The following RABGAP1L variants were observed in gnomAD, a reference collection of about 807,000 sequenced individuals.
RABGAP1L encodes RAB GTPase activating protein 1 like, also known as rab GTPase-activating protein 1-like.
In RABGAP1L, 63 loss-of-function variants were observed where a neutral mutation model predicts 137.7. That is an observed-to-expected ratio of 0.46 (90% CI 0.37 to 0.56). The LOEUF is 0.56. Among genes scored for constraint, RABGAP1L ranks in the 20% least tolerant of loss-of-function variants. The pLI, the probability that RABGAP1L is intolerant of heterozygous loss-of-function variation, is 0.00. For synonymous variants in RABGAP1L, 431 were observed against 433.7 expected (o/e 0.99, Z 0.08); for missense variants, 1,095 against 1,244.0 (o/e 0.88, Z 1.80).
chr1:174,309,109 C>CT (rs1346438353), intron 11 of RABGAP1L, among the ~76,000 whole-genome samples: 2 of 151,890 alleles, frequency 1.3e-5, no homozygotes, highest in Non-Finnish European at 2.9e-5. Context: ...AAATTTATTT[C>CT]TAAGTATTTA....
chr1:174,934,285 A>G (rs1297713702), intron 19 of RABGAP1L, among the ~76,000 whole-genome samples: 3 of 151,968 alleles, frequency 2.0e-5, no homozygotes, highest in Non-Finnish European at 4.4e-5. Flanking sequence ...ACGGGGTTTC[A>G]CCATGTAGGT....
chr1:174,712,777 T>C (rs1443336378), intron 17 of RABGAP1L, among the ~76,000 whole-genome samples: 2 of 152,156 alleles, frequency 1.3e-5, no homozygotes, highest in East Asian at 1.9e-4. Flanking sequence ...ATTTATTGAC[T>C]TACTTACTTA....
At chr1:174,172,105 T>A (rs1489027587) in intron 1 of RABGAP1L, among the ~76,000 whole-genome samples, 1 of 151,742 alleles carries the variant, frequency 6.6e-6, no homozygotes, top group Non-Finnish European at 1.5e-5. Context: ...CATAGTGTCC[T>A]CCAGGTTCAT....
chr1:174,970,224 C>T (rs769687088), intron 21 of RABGAP1L, among the ~76,000 whole-genome samples: 4 of 152,076 alleles, frequency 2.6e-5, no homozygotes, highest in Non-Finnish European at 5.9e-5. Context: ...AGAAGGTAGC[C>T]GGATCTCCAT....
chr1:174,552,329 C>T (rs1363176835), intron 13 of RABGAP1L, among the ~76,000 whole-genome samples: 1 of 152,092 alleles, frequency 6.6e-6, no homozygotes, highest in Non-Finnish European at 1.5e-5. Flanking sequence ...CACCCTCCGC[C>T]TCCACCCTCC....
chr1:174,796,643 T>A (rs1210113613), intron 18 of RABGAP1L, among the ~76,000 whole-genome samples: 1 of 152,184 alleles, frequency 6.6e-6, no homozygotes, highest in Non-Finnish European at 1.5e-5. Flanking sequence ...GACCACTTGT[T>A]GTAGTGCCTT....
intron 11 of RABGAP1L, among the ~76,000 whole-genome samples, chr1:174,370,509 T>A (rs1685029690): frequency 1.0e-5 from 1 of 97,102 alleles, no homozygotes; most frequent in Non-Finnish European, 2.0e-5. Context: ...TTAAGAAACC[T>A]AACTTTTTTT....
At chr1:174,722,176 C>T (rs954819142) in intron 17 of RABGAP1L, among the ~76,000 whole-genome samples, 3 of 152,086 alleles carry the variant, frequency 2.0e-5, no homozygotes, top group African/African-American at 2.4e-5. Context: ...ATGATCCACC[C>T]GCCCCACCCA....
rs539418752 is a variant in RABGAP1L, at chr1:174,834,962, G to A, written c.2340+23002G>A. Among the ~76,000 whole-genome samples, 4 of 152,228 alleles carry A rather than the reference G, an allele frequency of 2.6e-5. No individual in the cohort carries two copies. The South Asian group carries it at 8.3e-4, about 32-fold the overall frequency. On this transcript the variant is annotated intron_variant, in intron 19 of 25. Coordinates refer to ENST00000681986, the MANE Select transcript of RABGAP1L (RefSeq NM_001366446.1). ...ATTGTATCCTGCAAATCTTTTGAAG[G>A]GTTCCTCTCTAAAGATGGAAGGAGA...
intron 13 of RABGAP1L, among the ~76,000 whole-genome samples, chr1:174,637,155 C>G (rs539330622): frequency 6.6e-6 from 1 of 152,162 alleles, no homozygotes; most frequent in Non-Finnish European, 1.5e-5. Flanking sequence ...AACATACATA[C>G]ACACACAAAT....
intron 13 of RABGAP1L, among the ~76,000 whole-genome samples, chr1:174,415,477 A>T (rs1180367248): frequency 6.6e-6 from 1 of 152,068 alleles, no homozygotes; most frequent in African/African-American, 2.4e-5. Flanking sequence ...AAGTCAGGAA[A>T]ATTCAGTCAC....
At chr1:174,250,997 C>T (rs1461636429) in intron 6 of RABGAP1L, among the ~76,000 whole-genome samples, 2 of 152,208 alleles carry the variant, frequency 1.3e-5, no homozygotes, top group African/African-American at 4.8e-5. Flanking sequence ...GACGGGGTTT[C>T]ACCCCGTTGG....
chr1:174,850,314 C>A (rs954222528), intron 19 of RABGAP1L: 2 of 224,956 alleles, frequency 8.9e-6, no homozygotes, highest in Admixed American at 5.2e-5. Flanking sequence ...AGGAATAAAT[C>A]AACTCAGTCT....
chr1:174,305,402 C>T (rs1678113327), intron 11 of RABGAP1L, among the ~76,000 whole-genome samples: 1 of 151,880 alleles, frequency 6.6e-6, no homozygotes, highest in Non-Finnish European at 1.5e-5. Context: ...TTTTTATTTT[C>T]TTGAGATAGA....
intron 13 of RABGAP1L, chr1:174,545,477 T>A (rs1230943688): frequency 6.6e-6 from 1 of 152,178 alleles, no homozygotes; most frequent in Non-Finnish European, 1.5e-5. Context: ...GGTGGGAGGG[T>A]CCCGATTTTC....
At chr1:174,779,370 G>A (rs1015468565) in intron 18 of RABGAP1L, among the ~76,000 whole-genome samples, 3 of 152,106 alleles carry the variant, frequency 2.0e-5, no homozygotes, top group Non-Finnish European at 4.4e-5. Flanking sequence ...ATGCCATCTT[G>A]TTGTTATTTA....
intron 1 of RABGAP1L, among the ~76,000 whole-genome samples, chr1:174,206,981 T>C (rs2148415896): frequency 6.6e-6 from 1 of 152,288 alleles, no homozygotes; most frequent in Non-Finnish European, 1.5e-5. Flanking sequence ...TTAATCTAAA[T>C]ATTTATTGAG....
chr1:174,343,329 A>T (rs764903467), intron 11 of RABGAP1L, among the ~76,000 whole-genome samples: 9 of 152,184 alleles, frequency 5.9e-5, no homozygotes, highest in Admixed American at 4.6e-4. Context: ...TTGTTGTGGT[A>T]TGGAGATCTG....
chr1:174,805,640 T>C (rs1240371586), intron 18 of RABGAP1L, among the ~76,000 whole-genome samples: 1 of 152,170 alleles, frequency 6.6e-6, no homozygotes, highest in East Asian at 1.9e-4. Flanking sequence ...TAGCTGAGAC[T>C]ACAGGTGCGT....
Sources: gnomAD v4.1 joint callset for allele counts (sites outside exome capture counted in the v4.1 genomes callset) on GRCh38, gnomAD v4.1.1 for gene constraint, MANE v1.5 for transcripts, NCBI Gene and HGNC (gene_info 2026-07-23, HGNC 2026-07-21) for gene names.